CDH13: variants seen among roughly 807,000 people sequenced by gnomAD.
CDH13 encodes the protein cadherin-13.
CDH13 carries 24 observed loss-of-function variants against 63.8 expected under a neutral mutation model. The ratio of observed to expected loss-of-function variants is 0.38; its 90% CI spans 0.27 to 0.53. The LOEUF (loss-of-function observed/expected upper bound fraction) is 0.53, where lower values mean the gene tolerates loss of function less well. CDH13 is among the 20% of genes least tolerant of loss of function. The pLI is 0.85. For missense variants in CDH13, 1,049 were observed against 903.1 expected (o/e 1.16, Z -2.07); for synonymous variants, 503 against 355.3 (o/e 1.42, Z -4.67).
intron 2 of CDH13, among the ~76,000 whole-genome samples, chr16:82,900,299 A>T (rs1177696232): frequency 6.6e-6 from 1 of 152,168 alleles, no homozygotes; most frequent in East Asian, 1.9e-4. Flanking sequence ...GCATAAATGA[A>T]ATACCACAAA....
At chr16:82,878,369 T>C (rs2040577890) in intron 2 of CDH13, among the ~76,000 whole-genome samples, 1 of 151,730 alleles carries the variant, frequency 6.6e-6, no homozygotes, top group Non-Finnish European at 1.5e-5. Flanking sequence ...TTTCACTCTC[T>C]TTGCTCCTAA....
chr16:83,399,678 G>C (rs964680957), intron 6 of CDH13, among the ~76,000 whole-genome samples: 8 of 152,138 alleles, frequency 5.3e-5, no homozygotes, highest in East Asian at 1.9e-4. Context: ...TGTTCGCTGG[G>C]AATCTTGCTT....
chr16:82,743,074 T>C (rs1457585328), intron 1 of CDH13, among the ~76,000 whole-genome samples: 2 of 152,236 alleles, frequency 1.3e-5, no homozygotes, highest in African/African-American at 4.8e-5. Flanking sequence ...ATAAATCCCA[T>C]GTATGTAGCG....
intron 7 of CDH13, among the ~76,000 whole-genome samples, chr16:83,505,078 C>T (rs892850782): frequency 5.9e-5 from 9 of 152,116 alleles, no homozygotes; most frequent in Non-Finnish European, 1.0e-4. Flanking sequence ...TTGCCTGTCA[C>T]TCTCATACAA....
At chr16:82,732,372 C>T (rs1462037) in intron 1 of CDH13, among the ~76,000 whole-genome samples, 30,488 of 152,124 alleles carry the variant, frequency 0.2, 3,712 homozygotes, top group South Asian at 0.33. Flanking sequence ...ATGGCTGTCA[C>T]TCAACTACAA....
intron 2 of CDH13, among the ~76,000 whole-genome samples, chr16:82,906,193 C>G (rs1330795696): frequency 2.0e-5 from 3 of 152,072 alleles, no homozygotes; most frequent in East Asian, 3.9e-4. Flanking sequence ...TTTTGCAGTT[C>G]TCATTATTTC....
At chr16:83,489,179 A>G (rs958870892) in intron 7 of CDH13, among the ~76,000 whole-genome samples, 2 of 152,248 alleles carry the variant, frequency 1.3e-5, no homozygotes, top group Non-Finnish European at 2.9e-5. Context: ...TTATAAATCA[A>G]AGTGATAATG....
intron 5 of CDH13, among the ~76,000 whole-genome samples, chr16:83,306,840 C>G (rs1162932510): frequency 6.6e-6 from 1 of 152,152 alleles, no homozygotes; most frequent in East Asian, 1.9e-4. Flanking sequence ...GGAAATTAGA[C>G]TCTTCTTTGG....
intron 7 of CDH13, among the ~76,000 whole-genome samples, chr16:83,592,483 G>A (rs16960938): frequency 0.32 from 48,506 of 152,034 alleles, 8,690 homozygotes; most frequent in East Asian, 0.4. Flanking sequence ...GCCACCTTGA[G>A]CCTACAGGAG....
chr16:82,771,745 G>C (rs2035275603), intron 1 of CDH13, among the ~76,000 whole-genome samples: 1 of 152,226 alleles, frequency 6.6e-6, no homozygotes, highest in Non-Finnish European at 1.5e-5. Context: ...GTATCGGAAA[G>C]GTTGCTAGGA....
intron 1 of CDH13, among the ~76,000 whole-genome samples, chr16:82,664,404 G>A (rs747566127): frequency 6.6e-6 from 1 of 152,210 alleles, no homozygotes; most frequent in Non-Finnish European, 1.5e-5. Context: ...CGAGGGTTGG[G>A]TGCAGCTTGG....
intron 4 of CDH13, 47 bp downstream of exon 4, chr16:83,125,548 G>A: frequency 1.0e-6 from 1 of 1,004,084 alleles, no homozygotes; most frequent in East Asian, 2.4e-5. Flanking sequence ...TTTATGAAAA[G>A]ATGAGCACAG....
chr16:83,007,811 A>T (rs1430012193), intron 2 of CDH13, among the ~76,000 whole-genome samples: 2 of 150,670 alleles, frequency 1.3e-5, no homozygotes, highest in African/African-American at 4.9e-5. Context: ...GCAACAGAGC[A>T]AGACGACTCT....
At chr16:83,255,605 C>G (rs1157305277) in intron 5 of CDH13, among the ~76,000 whole-genome samples, 2 of 152,178 alleles carry the variant, frequency 1.3e-5, no homozygotes, top group Non-Finnish European at 2.9e-5. Context: ...ACATCAATGT[C>G]TCATTTAACT....
chr16:82,712,347 A>G (rs1333614571), intron 1 of CDH13, among the ~76,000 whole-genome samples: 1 of 152,188 alleles, frequency 6.6e-6, no homozygotes, highest in Non-Finnish European at 1.5e-5. Context: ...AAAGATTTGT[A>G]TAAAAATGCT....
intron 5 of CDH13, among the ~76,000 whole-genome samples, chr16:83,307,722 C>G (rs1386375854): frequency 3.3e-5 from 5 of 152,154 alleles, no homozygotes; most frequent in African/African-American, 1.2e-4. Context: ...ACCACCTGTG[C>G]CTTCTTTTGA....
At chr16:83,343,072 A>C (rs2090763417) in intron 5 of CDH13, among the ~76,000 whole-genome samples, 1 of 151,970 alleles carries the variant, frequency 6.6e-6, no homozygotes, top group Non-Finnish European at 1.5e-5. Context: ...GGCTCTGTTC[A>C]CTTCATTTTT....
chr16:83,408,164 C>T (rs1174614236), intron 6 of CDH13, among the ~76,000 whole-genome samples: 2 of 152,132 alleles, frequency 1.3e-5, no homozygotes, highest in African/African-American at 4.8e-5. Context: ...TCTTGTGACC[C>T]GTGTGACTAT....
At chr16:82,833,068 G>C (rs1006692260) in intron 1 of CDH13, among the ~76,000 whole-genome samples, 1 of 152,196 alleles carries the variant, frequency 6.6e-6, no homozygotes, top group Non-Finnish European at 1.5e-5. Context: ...AAATGAGTCA[G>C]TGTGTTATGG....
Sources: allele counts gnomAD v4.1 joint callset (sites outside exome capture counted in the v4.1 genomes callset), GRCh38; gene constraint gnomAD v4.1.1; transcripts MANE v1.5; gene names NCBI Gene and HGNC (gene_info 2026-07-23, HGNC 2026-07-21).